Variants in ACAN observed in about 807,000 individuals in gnomAD.
ACAN encodes aggrecan core protein.
ACAN carries 47 observed loss-of-function variants against 169.1 expected under a neutral mutation model. The observed-to-expected ratio is 0.28, with a 90% CI of 0.22 to 0.35. ACAN has a LOEUF of 0.35. Among genes scored for constraint, ACAN ranks in the 10% least tolerant of loss-of-function variants. ACAN has a pLI of 1.00. For missense variants in ACAN, 2,716 were observed against 2,759.9 expected, an observed-to-expected ratio of 0.98 and a Z score of 0.36; for synonymous variants, 1,115 against 1,112.2, an observed-to-expected ratio of 1.00 and a Z score of -0.05.
Position 88,872,757 on chromosome 15 carries a change from G to A in ACAN, c.7303-124G>A. On this transcript the variant is annotated intron_variant, in intron 16 of 18. Coordinates refer to ENST00000560601, the MANE Select transcript of ACAN (RefSeq NM_001369268.1). The surrounding 1 kb of genome is among the most constrained non-coding windows in gnomAD (Gnocchi z 5.4). The stretch of plus-strand genomic sequence containing the variant: ...AGCAGTTTTTGTGCTGCTATCAGAT[G>A]AGCCTGAAGTTGGTGCTAAAAGAGA... 8.1e-7 allele frequency: 1 copy of A among 1,229,616 alleles called. No individual in the cohort carries two copies. The allele number at this position is 1,229,616 out of a possible 1,614,324, so 76.2% of individuals were successfully genotyped here.
chr15:88,825,074 A>G (rs1896179259), intron 1 of ACAN, among the ~76,000 whole-genome samples: 1 of 152,186 alleles, frequency 6.6e-6, no homozygotes. Flanking sequence ...GGACAAAATC[A>G]GCTCGTGTGG....
intron 13 of ACAN, among the ~76,000 whole-genome samples, chr15:88,863,082 C>A (rs1897229260): frequency 6.6e-6 from 1 of 151,304 alleles, no homozygotes; most frequent in Non-Finnish European, 1.5e-5. Flanking sequence ...ATGATTCCTG[C>A]AGTAATATTT....
At position 88,875,000 on chromosome 15, in the gene ACAN, A is replaced by G. The variant is rs73458267; in HGVS notation, c.*519A>G. On this transcript the variant is annotated 3_prime_UTR_variant, in exon 19 of 19. Transcript: ENST00000560601. This position sits in a 1 kb window ranked among gnomAD's most constrained non-coding sequence, Gnocchi z 7.3. ...GATGAGAAGGAGCCAGGAGGGCTAC[A>G]CCATCTGTATGAGGGAAAAGCCTTG... 55 of 240,630 alleles carry G rather than the reference A, an allele frequency of 2.3e-4. 1 individual carries two copies. The South Asian group carries it at 2.9e-3, about 13-fold the overall frequency. 14.9% of individuals were successfully genotyped at this position (240,630 alleles called of 1,614,324 possible).
intron 1 of ACAN, among the ~76,000 whole-genome samples, chr15:88,813,698 C>T (rs1455808421): frequency 2.6e-5 from 4 of 152,214 alleles, no homozygotes; most frequent in East Asian, 1.9e-4. Context: ...TCTTTTGAGC[C>T]GCAGGGTCCT....
Position 88,872,624 on chromosome 15 carries a change from T to TA in ACAN, c.7303-257_7303-256insA, listed in dbSNP as rs1897407673. 3.3e-5 allele frequency among the ~76,000 whole-genome samples: 5 copies of TA among 151,988 alleles called. No homozygotes were observed. Among genetic ancestry groups the TA allele is most frequent in the African/African-American group, 7.3e-5 (3 of 41,378 alleles). On this transcript the variant is annotated intron_variant, in intron 16 of 18. Transcript: ENST00000560601. The surrounding 1 kb of genome is among the most constrained non-coding windows in gnomAD (Gnocchi z 5.4). ...TCAGCTCATGTACAGAGCCTGTGAGTCTTGGGGGTTCTGAGCTCCTGAGAA... is the reference window on the plus strand; with the variant it reads ...TCAGCTCATGTACAGAGCCTGTGAGTACTTGGGGGTTCTGAGCTCCTGAGAA...
Position 88,845,684 on chromosome 15 carries a change from C to G in ACAN, c.1231C>G (p.Pro411Ala). The G allele has an allele frequency of 6.2e-7, 1 of 1,614,036 alleles. No individual in the cohort carries two copies. The highest frequency in any genetic ancestry group is 8.5e-7 in the Non-Finnish European group (1 of 1,179,898). ...GCCCATCTTCGAGGTCTCCCCCAGT[C>G]CCCTGGAACCCGAGGAGCCCTTCAC... The part of the protein sequence containing the change: ...VKPIFEVSPS[P>A]LEPEEPFTFA... The change falls in exon 7 of 19, where the codon CCC becomes GCC. Residue 411 changes from proline (P) to alanine (A), a missense_variant. Pro to Ala is a conservative substitution (Grantham distance 27). Around this residue, in one of 3 missense-constraint regions of ACAN, gnomAD observed 1,283 missense variants for 1,281.5 expected, o/e 1.00. Transcript: ENST00000560601.
chr15:88,809,883 C>A (rs1398919583), intron 1 of ACAN, among the ~76,000 whole-genome samples: 1 of 152,194 alleles, frequency 6.6e-6, no homozygotes, highest in Non-Finnish European at 1.5e-5. Context: ...TCAATGCAGG[C>A]ATGTCATTGA....
rs554628479 is a variant in ACAN, at chr15:88,807,785, T to TGC, written c.-8+3977_-8+3978dup. Among the ~76,000 whole-genome samples the TGC allele has an allele frequency of 5.3e-5, 8 of 151,700 alleles. No individual in the cohort carries two copies. Among genetic ancestry groups the TGC allele is most frequent in the Admixed American group, 1.3e-4 (2 of 15,240 alleles). ...GTGTGTGTGTGTGTGTGTGTGTGTG[T>TGC]GCATGCTGGCAGGGCGGGCCCTGCG... On this transcript the variant is annotated intron_variant, in intron 1 of 18. Coordinates refer to ENST00000560601, the MANE Select transcript of ACAN (RefSeq NM_001369268.1). This position sits in a 1 kb window ranked among gnomAD's most constrained non-coding sequence, Gnocchi z 4.0.
At position 88,851,469 on chromosome 15, in the gene ACAN, G is replaced by A. The variant is rs1454404792; in HGVS notation, c.2027-325G>A. The A allele has an allele frequency of 5.1e-5, 12 of 235,324 alleles. No homozygotes were observed. Among genetic ancestry groups the A allele is most frequent in the African/African-American group, 2.5e-4 (11 of 44,414 alleles). The allele number at this position is 235,324 out of a possible 1,614,324, so 14.6% of individuals were successfully genotyped here. On this transcript the variant is annotated intron_variant, in intron 10 of 18. Transcript: ENST00000560601. The surrounding 1 kb of genome is among the most constrained non-coding windows in gnomAD (Gnocchi z 4.3). ...GCCTCAGTTTCCCCATCTGTAAAAT[G>A]AGATAATCATATCTCTCTCATAAAG...
intron 1 of ACAN, among the ~76,000 whole-genome samples, chr15:88,805,252 G>T (rs111406608): frequency 6.6e-6 from 1 of 152,112 alleles, no homozygotes; most frequent in African/African-American, 2.4e-5. Flanking sequence ...TAGGAGTGTT[G>T]GCTTGTCAAT....
intron 7 of ACAN, 39 bp from the exon 8 acceptor site, chr15:88,847,204 T>C: frequency 6.0e-6 from 9 of 1,509,186 alleles, no homozygotes; most frequent in Non-Finnish European, 8.0e-6. Context: ...CTGCACACCG[T>C]GGGTCCCTGA....
chr15:88,867,829 C>T (rs1596154099), intron 13 of ACAN, among the ~76,000 whole-genome samples: 1 of 152,318 alleles, frequency 6.6e-6, no homozygotes, highest in African/African-American at 2.4e-5. Flanking sequence ...CTCACCACCA[C>T]GTTCATAACC....
intron 1 of ACAN, among the ~76,000 whole-genome samples, chr15:88,805,966 G>C (rs1202296973): frequency 6.6e-6 from 1 of 152,106 alleles, no homozygotes; most frequent in Non-Finnish European, 1.5e-5. Flanking sequence ...CAATTAGAGA[G>C]GGAGCTCCAA....
intron 1 of ACAN, among the ~76,000 whole-genome samples, chr15:88,808,872 G>T (rs62023480): frequency 0.29 from 43,632 of 151,828 alleles, 8,034 homozygotes; most frequent in East Asian, 0.58. Flanking sequence ...GGTAGGCAGT[G>T]CAGAGGGGAC....
chr15:88,862,166 G>A (rs540871446), intron 13 of ACAN, among the ~76,000 whole-genome samples: 163 of 152,360 alleles, frequency 1.1e-3, no homozygotes, highest in Middle Eastern at 6.8e-3. Flanking sequence ...CCAGAATGGG[G>A]AGGAGCTGAG....
rs773436927 is a variant in ACAN, at chr15:88,857,600, C to G, written c.5015C>G (p.Ala1672Gly). ...TCTACATTGGTGGAAGTGGTCACAG[C>G]CTCCACTGCAAGTGAACTGGAAGGG... ...VDSTLVEVVT[A>G]STASELEGRG... The change falls in exon 12 of 19, where the codon GCC becomes GGC. Residue 1672 changes from alanine to glycine, a missense_variant. Around this residue, in one of 3 missense-constraint regions of ACAN, gnomAD observed 1,389 missense variants for 1,363.7 expected, o/e 1.02. Transcript: ENST00000560601. 1 of 1,613,958 alleles carries G rather than the reference C, an allele frequency of 6.2e-7. No individual in the cohort carries two copies. Among genetic ancestry groups the G allele is most frequent in the East Asian group, 2.2e-5 (1 of 44,878 alleles).
In ACAN at chr15:88,859,167, C is replaced by T; in HGVS notation, c.6582C>T (p.Asp2194=). 1 of 1,613,820 alleles carries T rather than the reference C, an allele frequency of 6.2e-7. No homozygotes were observed. Among genetic ancestry groups the T allele is most frequent in the Non-Finnish European group, 8.5e-7 (1 of 1,179,888 alleles). The change falls in exon 12 of 19, where the codon GAC becomes GAT. Residue 2194 remains aspartate (D), a synonymous_variant. Coordinates refer to ENST00000560601, the MANE Select transcript of ACAN (RefSeq NM_001369268.1). ...CAGCCACTCCCACGGCTTCTGGAGACAGGACTGAAATCAGCGGAGACCTGT... is the reference window on the plus strand; with the variant it reads ...CAGCCACTCCCACGGCTTCTGGAGATAGGACTGAAATCAGCGGAGACCTGT... ...LPSATPTASG[D]RTEISGDLSG...
intron 11 of ACAN, 108 bp from the exon 12 acceptor site, chr15:88,854,744 G>A: frequency 1.6e-6 from 2 of 1,271,104 alleles, no homozygotes; most frequent in East Asian, 6.0e-5. Flanking sequence ...GAGCTCTTGA[G>A]AGAAAAATTT....
intron 1 of ACAN, among the ~76,000 whole-genome samples, chr15:88,833,377 C>A (rs977095019): frequency 1.3e-5 from 2 of 152,146 alleles, no homozygotes; most frequent in African/African-American, 4.8e-5. Flanking sequence ...GCTCCCCAAG[C>A]TCCCCTCTCC....
Sources: gnomAD v4.1 joint callset for allele counts (sites outside exome capture counted in the v4.1 genomes callset) on GRCh38, gnomAD v4.1.1 for gene constraint, gnomAD v4.1.1 regional missense constraint, Gnocchi (gnomAD v3.1) non-coding constraint, MANE v1.5 for transcripts, NCBI Gene and HGNC (gene_info 2026-07-23, HGNC 2026-07-21) for gene names.